The following TSHZ2 variants were observed in gnomAD, a reference collection of about 807,000 sequenced individuals.
TSHZ2 encodes the protein teashirt zinc finger homeobox 2, also known as teashirt homolog 2.
A neutral mutation model predicts 74.4 loss-of-function variants in TSHZ2; 21 were observed. That is an observed-to-expected ratio of 0.28 (90% CI 0.20 to 0.41). TSHZ2 has a LOEUF of 0.41. Among genes scored for constraint, TSHZ2 ranks in the 10% least tolerant of loss-of-function variants. The probability of loss-of-function intolerance (pLI) is 1.00; values close to 1 mark genes in which losing one functional copy is unlikely to be tolerated. For synonymous variants in TSHZ2, 540 were observed against 515.3 expected (o/e 1.05, Z -0.65); for missense variants, 1,244 against 1,293.5 (o/e 0.96, Z 0.59).
rs975309536 is a variant in TSHZ2, at chr20:53,317,416, C to T, written c.*8+60845C>T. 2.0e-5 allele frequency among the ~76,000 whole-genome samples: 3 copies of T among 152,298 alleles called. No individual in the cohort carries two copies. The Middle Eastern group carries it at 0.01, about 518-fold the overall frequency. ...TGATTGCATTGATCTCTGCCAACCA[C>T]AGAAGCATGGGGCTCATGTGGGCTG... On this transcript the variant is annotated intron_variant, in intron 2 of 2. Coordinates refer to ENST00000371497, the MANE Select transcript of TSHZ2 (RefSeq NM_173485.6).
intron 2 of TSHZ2, among the ~76,000 whole-genome samples, chr20:53,377,618 T>C (rs528082084): frequency 1.6e-4 from 25 of 152,216 alleles, no homozygotes; most frequent in East Asian, 1.5e-3. Flanking sequence ...CCAACGTTCT[T>C]GGAGGCCAAG....
chr20:53,214,903 G>T (rs1178318983), intron 1 of TSHZ2, among the ~76,000 whole-genome samples: 1 of 152,152 alleles, frequency 6.6e-6, no homozygotes, highest in Non-Finnish European at 1.5e-5. Context: ...CAATGAGCTT[G>T]ATTGAAGCAA....
rs928814585 is a variant in TSHZ2, at chr20:52,976,287, G to A, written c.40+2954G>A. On this transcript the variant is annotated intron_variant, in intron 1 of 2. Coordinates refer to ENST00000371497, the MANE Select transcript of TSHZ2 (RefSeq NM_173485.6). ...TCTTTAAGGAAACAGCTAAATCAGA[G>A]TATTTCCCTCTGAAATGTCATTCTT... Among the ~76,000 whole-genome samples the A allele has an allele frequency of 3.9e-5, 6 of 152,186 alleles. No homozygotes were observed. The South Asian group carries it at 1.0e-3, about 26-fold the overall frequency.
At position 53,268,517 on chromosome 20, in the gene TSHZ2, T is replaced by C. The variant is rs929058381; in HGVS notation, c.*8+11946T>C. Among the ~76,000 whole-genome samples the C allele has an allele frequency of 1.3e-5, 2 of 152,218 alleles. 1 individual carries two copies. The highest frequency in any genetic ancestry group is 4.1e-4 in the South Asian group (2 of 4,834). On this transcript the variant is annotated intron_variant, in intron 2 of 2. Transcript: ENST00000371497. Reference sequence around the variant, plus strand: ...TTGAGTACCACTTCATGGCTAAGCATGTGCGGGATGGAACCGGTCTTCCTG... The same window carrying C: ...TTGAGTACCACTTCATGGCTAAGCACGTGCGGGATGGAACCGGTCTTCCTG...
intron 2 of TSHZ2, among the ~76,000 whole-genome samples, chr20:53,270,831 A>G (rs1990819683): frequency 1.3e-5 from 2 of 152,102 alleles, no homozygotes; most frequent in Admixed American, 1.3e-4. Flanking sequence ...GCTTTTTTCA[A>G]TGCTACATTT....
intron 1 of TSHZ2, among the ~76,000 whole-genome samples, chr20:53,204,939 A>C (rs1600740283): frequency 6.6e-6 from 1 of 151,890 alleles, no homozygotes; most frequent in Non-Finnish European, 1.5e-5. Flanking sequence ...AAAAGAAAAA[A>C]AAAATTAGCC....
chr20:53,009,061 G>C (rs1337312659), intron 1 of TSHZ2, among the ~76,000 whole-genome samples: 1 of 142,054 alleles, frequency 7.0e-6, no homozygotes, highest in African/African-American at 2.7e-5. Context: ...GGGCATGGTG[G>C]CTCACACCTA....
At chr20:53,224,202 A>G (rs1209798890) in intron 1 of TSHZ2, among the ~76,000 whole-genome samples, 1 of 152,208 alleles carries the variant, frequency 6.6e-6, no homozygotes, top group Non-Finnish European at 1.5e-5. Context: ...CTAAAGAAAC[A>G]AATGTCATTA....
chr20:53,048,073 G>A (rs1417996483), intron 1 of TSHZ2, among the ~76,000 whole-genome samples: 1 of 152,130 alleles, frequency 6.6e-6, no homozygotes, highest in African/African-American at 2.4e-5. Flanking sequence ...CTCTGTGCTT[G>A]AATACAGCTG....
At chr20:53,434,303 C>T (rs1983960411) in intron 2 of TSHZ2, among the ~76,000 whole-genome samples, 1 of 152,176 alleles carries the variant, frequency 6.6e-6, no homozygotes, top group African/African-American at 2.4e-5. Context: ...CAATGACCCT[C>T]CAGGTATTAT....
intron 1 of TSHZ2, among the ~76,000 whole-genome samples, chr20:53,071,692 C>G (rs1004864848): frequency 2.6e-5 from 4 of 152,178 alleles, no homozygotes; most frequent in African/African-American, 9.7e-5. Flanking sequence ...CCAGAGCTGA[C>G]TTCTGTGACC....
intron 1 of TSHZ2, among the ~76,000 whole-genome samples, chr20:53,076,237 G>A (rs1356179452): frequency 6.6e-6 from 1 of 152,214 alleles, no homozygotes; most frequent in Non-Finnish European, 1.5e-5. Context: ...GATGATGAGA[G>A]CCTGGACTGG....
intron 1 of TSHZ2, among the ~76,000 whole-genome samples, chr20:53,134,605 A>G (rs1568775859): frequency 6.6e-6 from 1 of 152,198 alleles, no homozygotes. Flanking sequence ...TGTATTACGC[A>G]GCAACTTGCT....
chr20:53,235,428 C>A (rs1290443554), intron 1 of TSHZ2, among the ~76,000 whole-genome samples: 1 of 152,100 alleles, frequency 6.6e-6, no homozygotes, highest in Non-Finnish European at 1.5e-5. Flanking sequence ...CCTCAGCCTC[C>A]CAAAGTGCTG....
intron 2 of TSHZ2, among the ~76,000 whole-genome samples, chr20:53,379,381 C>T (rs2145636836): frequency 6.6e-6 from 1 of 151,890 alleles, no homozygotes; most frequent in South Asian, 2.1e-4. Context: ...AACCCTGTCT[C>T]AAAAAATAAA....
At chr20:53,315,585 G>A (rs952079411) in intron 2 of TSHZ2, among the ~76,000 whole-genome samples, 2 of 152,160 alleles carry the variant, frequency 1.3e-5, no homozygotes, top group Non-Finnish European at 2.9e-5. Context: ...AGGAAGATAG[G>A]TTCCTTTCTC....
intron 2 of TSHZ2, among the ~76,000 whole-genome samples, chr20:53,341,695 A>G (rs1056464807): frequency 6.6e-6 from 1 of 151,894 alleles, no homozygotes; most frequent in African/African-American, 2.4e-5. Context: ...ATGTATAGAT[A>G]TATTTGCTTT....
At chr20:53,315,674 A>G (rs1414861689) in intron 2 of TSHZ2, among the ~76,000 whole-genome samples, 1 of 152,216 alleles carries the variant, frequency 6.6e-6, no homozygotes, top group African/African-American at 2.4e-5. Flanking sequence ...TTGTCTCAGC[A>G]TATTCTATGT....
intron 2 of TSHZ2, among the ~76,000 whole-genome samples, chr20:53,317,798 C>A (rs1979084849): frequency 6.6e-6 from 1 of 152,190 alleles, no homozygotes; most frequent in Non-Finnish European, 1.5e-5. Flanking sequence ...TTTGCACACA[C>A]AGCCCATGTT....
Sources: gnomAD v4.1 joint callset for allele counts (sites outside exome capture counted in the v4.1 genomes callset) on GRCh38, gnomAD v4.1.1 for gene constraint, MANE v1.5 for transcripts, NCBI Gene and HGNC (gene_info 2026-07-23, HGNC 2026-07-21) for gene names.